RBFOX2: variants seen among roughly 807,000 people sequenced by gnomAD.
RBFOX2 encodes the protein RNA binding fox-1 homolog 2, also known as RNA binding protein fox-1 homolog 2.
A neutral mutation model predicts 49.1 loss-of-function variants in RBFOX2; 10 were observed. The observed-to-expected ratio is 0.20, with a 90% CI of 0.13 to 0.35. The LOEUF is 0.35. Ranked by LOEUF, RBFOX2 falls within the 10% of genes least tolerant of loss-of-function variation. The pLI is 1.00. For synonymous variants in RBFOX2, 183 were observed against 187.4 expected (o/e 0.98, Z 0.19); for missense variants, 323 against 486.9 (o/e 0.66, Z 3.17).
chr22:35,861,006 A>G (rs940746606), intron 1 of RBFOX2, among the ~76,000 whole-genome samples: 3 of 152,234 alleles, frequency 2.0e-5, no homozygotes, highest in African/African-American at 4.8e-5. Context: ...ACTGGTGTCA[A>G]GAGAGAAAAA....
chr22:35,830,511 T>C (rs1956587538), intron 1 of RBFOX2, among the ~76,000 whole-genome samples: 1 of 152,216 alleles, frequency 6.6e-6, no homozygotes, highest in South Asian at 2.1e-4. Context: ...TGTCTTTGTG[T>C]GAACATCACA....
At position 35,953,194 on chromosome 22, in the gene RBFOX2, G is replaced by C. The variant is rs992601076; in HGVS notation, c.42+8369C>G. Among the ~76,000 whole-genome samples the C allele has an allele frequency of 1.2e-4, 15 of 123,538 alleles. No individual in the cohort carries two copies. The East Asian group carries it at 1.4e-3, about 11-fold the overall frequency. The allele number at this position is 123,538 out of a possible 152,430, so 81.0% of individuals were successfully genotyped here. A position where few individuals can be genotyped will look rare whatever the true frequency, so the allele number is the denominator to read the frequency against. ...CCACTGCGCTCCAGCCTGGGCGACAGAGTGGGACTCCATCTCAAAAAAAAA... is the reference window on the plus strand; with the variant it reads ...CCACTGCGCTCCAGCCTGGGCGACACAGTGGGACTCCATCTCAAAAAAAAA... On this transcript the variant is annotated intron_variant, in intron 1 of 5. Transcript: ENST00000408983.
At chr22:36,023,529 C>G (rs753162120) in intron 1 of RBFOX2, among the ~76,000 whole-genome samples, 31 of 152,278 alleles carry the variant, frequency 2.0e-4, no homozygotes, top group Non-Finnish European at 4.0e-4. Flanking sequence ...AAATTGTTCA[C>G]TAGAAAAGCT....
intron 1 of RBFOX2, among the ~76,000 whole-genome samples, chr22:36,007,466 T>C (rs2146323328): frequency 6.6e-6 from 1 of 152,232 alleles, no homozygotes; most frequent in Admixed American, 6.5e-5. Flanking sequence ...AATTAGCAAG[T>C]TTAAGGACCA....
exon 12 of RBFOX2, chr22:35,738,808 C>T (rs1439859157): frequency 6.6e-6 from 1 of 152,448 alleles, no homozygotes; most frequent in Non-Finnish European, 1.5e-5. Flanking sequence ...GCTCCTCCTT[C>T]GCTTAGAGTT....
intron 1 of RBFOX2, among the ~76,000 whole-genome samples, chr22:35,919,134 T>G (rs891905902): frequency 3.3e-5 from 5 of 152,184 alleles, no homozygotes; most frequent in Non-Finnish European, 7.3e-5. Context: ...GGACCACATA[T>G]TCTATTGAGT....
At chr22:35,850,183 C>T (rs1294327853) in intron 1 of RBFOX2, among the ~76,000 whole-genome samples, 2 of 135,230 alleles carry the variant, frequency 1.5e-5, no homozygotes, top group African/African-American at 5.8e-5. Flanking sequence ...CATTCTCTGT[C>T]TCTCTCTCAT....
chr22:35,767,277 G>T (rs1941280889), intron 5 of RBFOX2, among the ~76,000 whole-genome samples: 1 of 152,212 alleles, frequency 6.6e-6, no homozygotes, highest in African/African-American at 2.4e-5. Context: ...TAGTGTTAAT[G>T]TGAGATGGCA....
intron 1 of RBFOX2, among the ~76,000 whole-genome samples, chr22:35,853,786 T>A (rs536423022): frequency 6.6e-5 from 10 of 151,986 alleles, no homozygotes; most frequent in Admixed American, 1.3e-4. Context: ...GAGATAAATT[T>A]CCAATCGTTC....
At chr22:35,789,613 CAT>C (rs1947183925) in intron 2 of RBFOX2, among the ~76,000 whole-genome samples, 1 of 152,066 alleles carries the variant, frequency 6.6e-6, no homozygotes, top group South Asian at 2.1e-4. Context: ...TAAAGTTTTT[CAT>C]TTTGTTGCCA....
intron 2 of RBFOX2, among the ~76,000 whole-genome samples, chr22:35,788,483 G>A (rs563378242): frequency 1.3e-5 from 2 of 152,064 alleles, no homozygotes; most frequent in East Asian, 3.9e-4. Context: ...ATTCAGTTTA[G>A]CACAGTAAAT....
chr22:35,838,316 T>C (rs930904308), intron 1 of RBFOX2, among the ~76,000 whole-genome samples: 1 of 151,846 alleles, frequency 6.6e-6, no homozygotes, highest in African/African-American at 2.4e-5. Context: ...TGATTTATTA[T>C]ATGGTTGTTA....
intron 1 of RBFOX2, among the ~76,000 whole-genome samples, chr22:35,919,901 C>T (rs76464060): frequency 0.024 from 3,719 of 152,288 alleles, 160 homozygotes; most frequent in African/African-American, 0.084. Context: ...CCTACGAAAA[C>T]GACTGGGCTA....
At chr22:35,818,948 T>G (rs780483969) in intron 1 of RBFOX2, among the ~76,000 whole-genome samples, 1 of 152,214 alleles carries the variant, frequency 6.6e-6, no homozygotes, top group Non-Finnish European at 1.5e-5. Flanking sequence ...AAAATTCACA[T>G]GATATACATA....
At chr22:35,769,455 C>T (rs544465782) in intron 4 of RBFOX2, among the ~76,000 whole-genome samples, 38 of 152,286 alleles carry the variant, frequency 2.5e-4, no homozygotes, top group South Asian at 1.7e-3. Flanking sequence ...GGAGCATTTA[C>T]TATATACTTA....
intron 2 of RBFOX2, among the ~76,000 whole-genome samples, chr22:35,803,377 T>C (rs946307862): frequency 2.6e-5 from 4 of 152,170 alleles, no homozygotes; most frequent in African/African-American, 4.8e-5. Flanking sequence ...TAAATACAAA[T>C]ATATTTTTAA....
intron 2 of RBFOX2, among the ~76,000 whole-genome samples, chr22:35,788,599 G>A (rs1172210082): frequency 6.6e-6 from 1 of 152,170 alleles, no homozygotes; most frequent in African/African-American, 2.4e-5. Context: ...AATCCCTTCA[G>A]AATTTTGAAG....
At chr22:35,901,607 G>T (rs1051178195) in intron 1 of RBFOX2, among the ~76,000 whole-genome samples, 2 of 152,208 alleles carry the variant, frequency 1.3e-5, no homozygotes, top group African/African-American at 4.8e-5. Flanking sequence ...AATAGACCCA[G>T]AAACTTCTGT....
At chr22:35,750,229 T>C (rs1287495505) in intron 9 of RBFOX2, among the ~76,000 whole-genome samples, 1 of 151,988 alleles carries the variant, frequency 6.6e-6, no homozygotes, top group African/African-American at 2.4e-5. Context: ...ACTGAGAGAT[T>C]TAGAGTGAGA....
Sources: gnomAD v4.1 joint callset for allele counts (sites outside exome capture counted in the v4.1 genomes callset) on GRCh38, gnomAD v4.1.1 for gene constraint, MANE v1.5 for transcripts, NCBI Gene and HGNC (gene_info 2026-07-23, HGNC 2026-07-21) for gene names.